Variants in GALNT10 observed in about 807,000 individuals in gnomAD.
The protein encoded by GALNT10 is polypeptide N-acetylgalactosaminyltransferase 10, also known as GalNAc transferase 10.
GALNT10 carries 41 observed loss-of-function variants against 75.0 expected under a neutral mutation model. The ratio of observed to expected loss-of-function variants is 0.55; its 90% confidence interval spans 0.43 to 0.71. GALNT10 has a LOEUF of 0.71. GALNT10 is among the 30% of genes least tolerant of loss of function. GALNT10 has a pLI of 0.00. For synonymous variants in GALNT10, 302 were observed against 313.0 expected (o/e 0.96, Z 0.37); for missense variants, 727 against 818.5 (o/e 0.89, Z 1.36).
At chr5:154,217,186 T>C (rs1020795539) in intron 1 of GALNT10, among the ~76,000 whole-genome samples, 1 of 152,172 alleles carries the variant, frequency 6.6e-6, no homozygotes, top group Non-Finnish European at 1.5e-5. Flanking sequence ...TAGATCTCTT[T>C]TCCACCCTCT....
chr5:154,222,134 C>T (rs1312189423), intron 1 of GALNT10, among the ~76,000 whole-genome samples: 1 of 152,056 alleles, frequency 6.6e-6, no homozygotes, highest in Non-Finnish European at 1.5e-5. Context: ...CTCTCTGTGT[C>T]CCCTAATAAC....
At chr5:154,194,782 A>T (rs927741450) in intron 1 of GALNT10, among the ~76,000 whole-genome samples, 3 of 152,182 alleles carry the variant, frequency 2.0e-5, no homozygotes, top group African/African-American at 7.2e-5. Context: ...CTAATACCAG[A>T]CTTGGGCTCA....
chr5:154,409,634 G>A lies in GALNT10; in HGVS notation c.1258G>A (p.Val420Ile). The A allele has an allele frequency of 6.2e-7, 1 of 1,613,714 alleles. No individual in the cohort carries two copies. The highest frequency in any genetic ancestry group is 8.5e-7 in the Non-Finnish European group (1 of 1,179,594). ...PEYRHLSAGD[V>I]AVQKKLRSSL... The stretch of plus-strand genomic sequence containing the variant: ...ATACCGCCACCTCTCCGCTGGGGAT[G>A]TCGCAGTCCAGAAAAAGCTCCGCAG... The change falls in exon 9 of 12, where the codon GTC (valine) becomes ATC (isoleucine). Residue 420 changes from valine to isoleucine, a missense_variant. Coordinates refer to ENST00000297107, the MANE Select transcript of GALNT10 (RefSeq NM_198321.4). The surrounding 1 kb of genome is among the most constrained non-coding windows in gnomAD (Gnocchi z 4.5).
chr5:154,379,064 C>T (rs1755697829), intron 5 of GALNT10, among the ~76,000 whole-genome samples: 2 of 152,130 alleles, frequency 1.3e-5, no homozygotes, highest in African/African-American at 4.8e-5. Flanking sequence ...TTTAAACACA[C>T]CCCCAGGTGC....
chr5:154,243,231 T>G (rs1380357970), intron 1 of GALNT10, among the ~76,000 whole-genome samples: 2 of 152,248 alleles, frequency 1.3e-5, no homozygotes, highest in Admixed American at 1.3e-4. Flanking sequence ...CTGTCATTGA[T>G]GGTATCACTG....
chr5:154,256,606 A>G (rs549579294), intron 1 of GALNT10, among the ~76,000 whole-genome samples: 2 of 152,112 alleles, frequency 1.3e-5, no homozygotes, highest in Non-Finnish European at 2.9e-5. Flanking sequence ...TGTGTTCTTC[A>G]ATATTAGGAG....
intron 3 of GALNT10, among the ~76,000 whole-genome samples, chr5:154,309,675 T>A (rs968502233): frequency 2.6e-5 from 4 of 152,164 alleles, no homozygotes; most frequent in African/African-American, 9.6e-5. Context: ...ATGCCAAGGT[T>A]TTTGGCCAGA....
chr5:154,334,206 A>G (rs1006693710), intron 4 of GALNT10, among the ~76,000 whole-genome samples: 5 of 152,276 alleles, frequency 3.3e-5, no homozygotes, highest in Non-Finnish European at 7.3e-5. Context: ...GACCTCAGGT[A>G]GGAGACAAAA....
rs1187154328 is a variant in GALNT10, at chr5:154,418,257, C to G, written c.*1285C>G. 2 of 152,188 alleles carry G rather than the reference C, an allele frequency of 1.3e-5. No individual in the cohort carries two copies. Among genetic ancestry groups the G allele is most frequent in the African/African-American group, 2.4e-5 (1 of 41,428 alleles). 9.4% of individuals were successfully genotyped at this position (152,188 alleles called of 1,614,324 possible). A position where few individuals can be genotyped will look rare whatever the true frequency, so the allele number is the denominator to read the frequency against. On this transcript the variant is annotated 3_prime_UTR_variant, in exon 12 of 12. Transcript: ENST00000297107. ...ACATGGTCCTTGGTGAAGACCTGCA[C>G]CCCTGGAACCTCCCACCATCATCAC...
intron 1 of GALNT10, among the ~76,000 whole-genome samples, chr5:154,195,981 G>A (rs1774932721): frequency 6.6e-6 from 1 of 152,028 alleles, no homozygotes; most frequent in Non-Finnish European, 1.5e-5. Context: ...GGAGTGCAAT[G>A]GCGTGATCTC....
intron 2 of GALNT10, among the ~76,000 whole-genome samples, chr5:154,295,585 C>T (rs556284870): frequency 1.6e-4 from 24 of 152,116 alleles, no homozygotes; most frequent in Non-Finnish European, 2.8e-4. Context: ...GGAGCAGTTC[C>T]GTTTACACTG....
chr5:154,222,376 C>T (rs1164525503), intron 1 of GALNT10, among the ~76,000 whole-genome samples: 4 of 151,974 alleles, frequency 2.6e-5, no homozygotes, highest in Admixed American at 2.0e-4. Flanking sequence ...TGTTGATGGA[C>T]ATTTGGATTG....
intron 1 of GALNT10, among the ~76,000 whole-genome samples, chr5:154,205,752 G>T (rs1775098176): frequency 1.3e-5 from 2 of 152,226 alleles, no homozygotes; most frequent in Non-Finnish European, 1.5e-5. Context: ...GAAGACGGCT[G>T]TGAAAAGCTG....
chr5:154,281,698 T>A (rs1754040488), intron 1 of GALNT10, among the ~76,000 whole-genome samples: 2 of 152,356 alleles, frequency 1.3e-5, no homozygotes, highest in South Asian at 4.1e-4. Context: ...TTATATTGGT[T>A]ACGATTATAT....
At chr5:154,320,241 A>G (rs1754653001) in intron 3 of GALNT10, among the ~76,000 whole-genome samples, 1 of 152,222 alleles carries the variant, frequency 6.6e-6, no homozygotes, top group Admixed American at 6.5e-5. Context: ...ATCCAAGCTG[A>G]GCCTTTTATT....
intron 1 of GALNT10, 77 bp downstream of exon 1, chr5:154,191,102 C>T: frequency 1.0e-6 from 1 of 989,196 alleles, no homozygotes. Flanking sequence ...CTTCCTCCAC[C>T]TTCTGCTGTC....
chr5:154,328,372 G>T (rs1479576287), intron 3 of GALNT10, among the ~76,000 whole-genome samples: 3 of 152,202 alleles, frequency 2.0e-5, no homozygotes, highest in Non-Finnish European at 4.4e-5. Flanking sequence ...GAGAGGAGGG[G>T]CTGAGCCATT....
chr5:154,283,900 C>T (rs1017532173), intron 1 of GALNT10, among the ~76,000 whole-genome samples: 8 of 152,198 alleles, frequency 5.3e-5, no homozygotes, highest in Non-Finnish European at 8.8e-5. Flanking sequence ...GTCCCCTGAC[C>T]AATGCCAGCT....
intron 1 of GALNT10, among the ~76,000 whole-genome samples, chr5:154,268,587 G>T (rs1403970855): frequency 6.6e-6 from 1 of 152,204 alleles, no homozygotes; most frequent in Non-Finnish European, 1.5e-5. Flanking sequence ...GATGGCAAAA[G>T]AATATTAAAT....
Sources: gnomAD v4.1 joint callset for allele counts (sites outside exome capture counted in the v4.1 genomes callset) on GRCh38, gnomAD v4.1.1 for gene constraint, Gnocchi (gnomAD v3.1) non-coding constraint, MANE v1.5 for transcripts, NCBI Gene and HGNC (gene_info 2026-07-23, HGNC 2026-07-21) for gene names.